Variants in WWP2 observed in about 807,000 individuals in gnomAD.
WWP2 encodes WW domain containing E3 ubiquitin protein ligase 2.
Under a neutral mutation model 121.0 loss-of-function variants are expected in WWP2, and 57 were observed. That is an observed-to-expected ratio of 0.47 (90% CI 0.38 to 0.59). The LOEUF (loss-of-function observed/expected upper bound fraction) is 0.59. Among genes scored for constraint, WWP2 ranks in the 20% least tolerant of loss-of-function variants. The probability of loss-of-function intolerance (pLI) is 0.00; values close to 1 mark genes in which losing one functional copy is unlikely to be tolerated. For synonymous variants in WWP2, 449 were observed against 441.3 expected (o/e 1.02, Z -0.22); for missense variants, 962 against 1,158.9 (o/e 0.83, Z 2.47).
At chr16:69,783,835 G>A (rs986771804) in intron 1 of WWP2, among the ~76,000 whole-genome samples, 10 of 146,048 alleles carry the variant, frequency 6.8e-5, no homozygotes, top group Non-Finnish European at 1.5e-4. Flanking sequence ...CACATCTATA[G>A]TCCCAGCTAC....
At chr16:69,936,710 A>C in intron 19 of WWP2, 1 of 541,972 alleles carries the variant, frequency 1.8e-6, no homozygotes, top group South Asian at 2.2e-5. Flanking sequence ...AATTTCTTTG[A>C]AGTGGCATCA....
chr16:69,873,704 A>G (rs1309093104), intron 7 of WWP2, among the ~76,000 whole-genome samples: 1 of 152,148 alleles, frequency 6.6e-6, no homozygotes, highest in Non-Finnish European at 1.5e-5. Context: ...GTGTTTACAA[A>G]TGGGGATGGG....
At chr16:69,866,294 ATTT>A (rs2057522921) in intron 6 of WWP2, among the ~76,000 whole-genome samples, 1 of 149,726 alleles carries the variant, frequency 6.7e-6, no homozygotes, top group Non-Finnish European at 1.5e-5. Flanking sequence ...TTATTTATTT[ATTT>A]ATTTATTTAT....
Position 69,917,860 on chromosome 16 carries a change from T to A in WWP2, c.1156T>A (p.Phe386Ile). ...TCAGCTCCAGGGGGCCATGCAGCAC[T>A]TCAGCCAAAGATTCCTCTACCAGGT... is the stretch of plus-strand genomic sequence containing the variant. ...RNQLQGAMQH[F>I]SQRFLYQSSS... The change falls in exon 10 of 24, where the codon TTC becomes ATC. Residue 386 changes from phenylalanine (F) to isoleucine (I), a missense_variant. Physicochemically the swap from Phe to Ile is conservative, Grantham distance 21. Transcript: ENST00000359154. The A allele has an allele frequency of 1.2e-6, 2 of 1,612,152 alleles. No individual in the cohort carries two copies. Among genetic ancestry groups the A allele is most frequent in the Non-Finnish European group, 8.5e-7 (1 of 1,178,262 alleles).
intron 7 of WWP2, 105 bp downstream of exon 7, chr16:69,872,036 G>A (rs911059881): frequency 1.2e-5 from 17 of 1,462,648 alleles, no homozygotes; most frequent in African/African-American, 5.6e-5. Context: ...GAGGGTGGGC[G>A]TCAGAAGGCT....
Position 69,931,849 on chromosome 16 carries a change from C to T in WWP2, c.1641C>T (p.Ile547=). 1.9e-6 allele frequency: 3 copies of T among 1,613,834 alleles called. No homozygotes were observed. The highest frequency in any genetic ancestry group is 2.5e-6 in the Non-Finnish European group (3 of 1,180,022). Reference sequence around the variant, plus strand: ...ACCTGCGCCGCCGGCTCTACATCATCATGCGTGGCGAGGAGGGCCTGGACT... The same window carrying T: ...ACCTGCGCCGCCGGCTCTACATCATTATGCGTGGCGAGGAGGGCCTGGACT... ...PYDLRRRLYI[I]MRGEEGLDYG... The change falls in exon 16 of 24, where the codon ATC becomes ATT. Residue 547 remains isoleucine (I), a synonymous_variant. Coordinates refer to ENST00000359154, the MANE Select transcript of WWP2 (RefSeq NM_001270454.2).
At position 69,871,915 on chromosome 16, in the gene WWP2, C is replaced by T; in HGVS notation, c.687C>T (p.Gly229=). ...RQPVKNSGHS[G]LANGTVNDEP... is the part of the protein sequence containing the mutation. Reference sequence around the variant, plus strand: ...CCGTCAAGAACTCAGGCCACAGTGGCTTGGCCAATGGCACAGGTGAGTGAT... The same window carrying T: ...CCGTCAAGAACTCAGGCCACAGTGGTTTGGCCAATGGCACAGGTGAGTGAT... The change falls in exon 7 of 24, where the codon GGC becomes GGT. Residue 229 remains glycine, a synonymous_variant. Transcript: ENST00000359154. 1.2e-6 allele frequency: 2 copies of T among 1,613,836 alleles called. No individual in the cohort carries two copies. Among genetic ancestry groups the T allele is most frequent in the Non-Finnish European group, 1.7e-6 (2 of 1,179,950 alleles).
chr16:69,885,238 G>A (rs930310328), intron 7 of WWP2, among the ~76,000 whole-genome samples: 2 of 151,536 alleles, frequency 1.3e-5, no homozygotes, highest in Admixed American at 1.3e-4. Flanking sequence ...AAGTCATAGT[G>A]TTTTTTTTAA....
chr16:69,801,343 A>G (rs1251947895), intron 4 of WWP2, among the ~76,000 whole-genome samples: 1 of 150,976 alleles, frequency 6.6e-6, no homozygotes, highest in Non-Finnish European at 1.5e-5. Flanking sequence ...TGATCCTCCC[A>G]CCTCAGCCCC....
chr16:69,828,278 G>A (rs1567689293), intron 4 of WWP2, among the ~76,000 whole-genome samples: 1 of 152,044 alleles, frequency 6.6e-6, no homozygotes, highest in Non-Finnish European at 1.5e-5. Context: ...CCCCTTTCCT[G>A]CCTTCCCAGG....
intron 7 of WWP2, among the ~76,000 whole-genome samples, chr16:69,872,401 G>A (rs1031593131): frequency 3.3e-5 from 5 of 151,956 alleles, no homozygotes; most frequent in Non-Finnish European, 7.4e-5. Context: ...TGTTTTTAGT[G>A]GAGACAGGGT....
At chr16:69,924,741 C>G (rs955949951) in intron 10 of WWP2, among the ~76,000 whole-genome samples, 2 of 125,352 alleles carry the variant, frequency 1.6e-5, no homozygotes, top group African/African-American at 6.0e-5. Flanking sequence ...ACACAGAACA[C>G]TGAGCAACTT....
chr16:69,917,648 C>T (rs905624091), intron 9 of WWP2, 61 bp from the exon 10 acceptor site: 51 of 1,569,034 alleles, frequency 3.3e-5, no homozygotes, highest in Non-Finnish European at 3.7e-5. Context: ...TGAGACTTTT[C>T]TAGAATTGGG....
Position 69,937,215 on chromosome 16 carries a change from T to C in WWP2, c.2215T>C (p.Tyr739His), listed in dbSNP as rs2046584947. The C allele has an allele frequency of 6.2e-7, 1 of 1,613,738 alleles. No individual in the cohort carries two copies. Among genetic ancestry groups the C allele is most frequent in the South Asian group, 1.1e-5 (1 of 91,008 alleles). Reference protein sequence around the residue: ...NEVAPLEWLRYFDEKELELML... With the variant: ...NEVAPLEWLRHFDEKELELML... Reference sequence around the variant, plus strand: ...GGTGGCCCCGCTGGAGTGGCTGCGCTACTTTGACGAGAAAGAGCTGGAGGT... The same window carrying C: ...GGTGGCCCCGCTGGAGTGGCTGCGCCACTTTGACGAGAAAGAGCTGGAGGT... The change falls in exon 20 of 24, where the codon TAC (tyrosine) becomes CAC (histidine). Residue 739 changes from tyrosine (Y) to histidine (H), a missense_variant. Transcript: ENST00000359154. This position sits in a 1 kb window ranked among gnomAD's most constrained non-coding sequence, Gnocchi z 6.6.
chr16:69,791,900 T>C (rs531446301), intron 2 of WWP2, among the ~76,000 whole-genome samples: 132 of 152,176 alleles, frequency 8.7e-4, no homozygotes, highest in Middle Eastern at 6.8e-3. Flanking sequence ...AAGGCTTTTT[T>C]GTTGCCTTTC....
chr16:69,786,956 T>C (rs2055806518), intron 1 of WWP2, 40 bp from the exon 2 acceptor site: 1 of 1,529,956 alleles, frequency 6.5e-7, no homozygotes, highest in Non-Finnish European at 8.9e-7. Flanking sequence ...TGTCTTCTTA[T>C]CAGATATTCT....
At chr16:69,881,829 C>G (rs2057835192) in intron 7 of WWP2, among the ~76,000 whole-genome samples, 1 of 152,142 alleles carries the variant, frequency 6.6e-6, no homozygotes, top group Non-Finnish European at 1.5e-5. Context: ...GTAGCTGGGA[C>G]TACAGGCACA....
chr16:69,891,615 A>G (rs2058029420), intron 8 of WWP2, among the ~76,000 whole-genome samples: 1 of 152,050 alleles, frequency 6.6e-6, no homozygotes, highest in Admixed American at 6.6e-5. Flanking sequence ...TTGCTACCAG[A>G]CTGTTTCATG....
rs528214414 is a variant in WWP2 at position 69,878,575 on chromosome 16, C to T, written c.703+6644C>T. On this transcript the variant is annotated intron_variant, in intron 7 of 23. Transcript: ENST00000359154. ...GGGGGTCTCATTTTGTTGCCCAGGC[C>T]GGTCTCCAACTCCTGGCTTGGATCG... 3.0e-3 allele frequency among the ~76,000 whole-genome samples: 450 copies of T among 152,080 alleles called. 1 individual carries two copies. Among genetic ancestry groups the T allele is most frequent in the Middle Eastern group, 0.01 (3 of 292 alleles).
Sources: allele counts gnomAD v4.1 joint callset (sites outside exome capture counted in the v4.1 genomes callset), GRCh38; gene constraint gnomAD v4.1.1; non-coding constraint Gnocchi (gnomAD v3.1); transcripts MANE v1.5; gene names NCBI Gene and HGNC (gene_info 2026-07-23, HGNC 2026-07-21).